Variants in LY75 observed in about 807,000 individuals in gnomAD.
The protein encoded by LY75 is C-type lectin domain family 13 member B.
A neutral mutation model predicts 231.7 loss-of-function variants in LY75; 185 were observed. The ratio of observed to expected loss-of-function variants is 0.80; its 90% confidence interval spans 0.71 to 0.90. The LOEUF (loss-of-function observed/expected upper bound fraction) is 0.90, where lower values mean the gene tolerates loss of function less well. Ranked by LOEUF, LY75 falls within the 40% of genes least tolerant of loss-of-function variation. LY75 has a pLI of 0.00. For missense variants in LY75, 1,947 were observed against 2,050.2 expected, an observed-to-expected ratio of 0.95 and a Z score of 0.97; for synonymous variants, 668 against 689.0, an observed-to-expected ratio of 0.97 and a Z score of 0.48.
intron 23 of LY75, among the ~76,000 whole-genome samples, chr2:159,847,042 C>T (rs907791459): frequency 2.0e-5 from 3 of 152,122 alleles, no homozygotes; most frequent in African/African-American, 4.8e-5. Flanking sequence ...GATGGAATCT[C>T]GCTCTGTCGC....
At chr2:159,833,208 C>A (rs775455831) in intron 27 of LY75, among the ~76,000 whole-genome samples, 27 of 150,694 alleles carry the variant, frequency 1.8e-4, no homozygotes, top group Non-Finnish European at 1.0e-4. Flanking sequence ...GCTCACTGCA[C>A]CTTCAACCTC....
In LY75 at chr2:159,879,383, C is replaced by T; in HGVS notation, c.1405-14G>A. 6.2e-7 allele frequency: 1 copy of T among 1,611,378 alleles called. No homozygotes were observed. Among genetic ancestry groups the T allele is most frequent in the Non-Finnish European group, 8.5e-7 (1 of 1,179,396 alleles). On this transcript the variant is annotated splice_polypyrimidine_tract_variant and intron_variant, in intron 8 of 34. Coordinates refer to ENST00000263636, the MANE Select transcript of LY75 (RefSeq NM_002349.4). ...CCACTGACCTAGCTTTGAAAGGAGA[C>T]AAAAACATTTGCTTGGAAAGGAAAT... is the stretch of plus-strand genomic sequence containing the variant.
chr2:159,823,561 A>G (rs184262898), intron 28 of LY75, among the ~76,000 whole-genome samples: 1 of 152,320 alleles, frequency 6.6e-6, no homozygotes, highest in East Asian at 1.9e-4. Context: ...CCAACCTAGC[A>G]AGACAGGCCA....
At chr2:159,880,937 T>A in intron 8 of LY75, 146 bp downstream of exon 8, 1 of 957,302 alleles carries the variant, frequency 1.0e-6, no homozygotes, top group Non-Finnish European at 1.5e-6. Flanking sequence ...TCTTAACAGG[T>A]AATGGTCCGT....
Position 159,829,000 on chromosome 2 carries a change from A to G in LY75, c.3958+2670T>C, listed in dbSNP as rs912113618. 5.9e-5 allele frequency among the ~76,000 whole-genome samples: 9 copies of G among 152,196 alleles called. No individual in the cohort carries two copies. The South Asian group carries it at 1.7e-3, about 28-fold the overall frequency. Reference sequence around the variant, plus strand: ...AGTAGATCAGTGGTTGCTGAGGACTAGGAGACAGGGAGGGAATACTAGTGG... The same window carrying G: ...AGTAGATCAGTGGTTGCTGAGGACTGGGAGACAGGGAGGGAATACTAGTGG... On this transcript the variant is annotated intron_variant, in intron 28 of 34. Coordinates refer to ENST00000263636, the MANE Select transcript of LY75 (RefSeq NM_002349.4).
At chr2:159,849,785 T>C (rs76557261) in intron 23 of LY75, among the ~76,000 whole-genome samples, 195 bp downstream of exon 23, 4,180 of 152,280 alleles carry the variant, frequency 0.027, 181 homozygotes, top group African/African-American at 0.095. Context: ...CCATACTCTT[T>C]AGGCACTATT....
chr2:159,807,004 A>G lies in LY75; in HGVS notation c.4959T>C (p.Gly1653=). 8 of 1,613,896 alleles carry G rather than the reference A, an allele frequency of 5.0e-6. No homozygotes were observed. Among genetic ancestry groups the G allele is most frequent in the Non-Finnish European group, 5.1e-6 (6 of 1,179,868 alleles). The change falls in exon 34 of 35, where the codon GGT becomes GGC. Residue 1653 remains glycine (G), a synonymous_variant. Transcript: ENST00000263636. ...GCACTTTGCAGACAACTCTTCCAAA[A>G]CCATGTTCACATTCAACTTTTTTCC... ...ETWKKVECEH[G]FGRVVCKVPL... is the part of the protein sequence containing the mutation.
At chr2:159,871,584 C>A (rs992297699) in intron 13 of LY75, among the ~76,000 whole-genome samples, 9 of 152,056 alleles carry the variant, frequency 5.9e-5, no homozygotes, top group Non-Finnish European at 1.3e-4. Flanking sequence ...TGGATAAGTA[C>A]TAATTGGCAA....
chr2:159,806,900 T>C, intron 34 of LY75, 73 bp downstream of exon 34: 1 of 1,498,076 alleles, frequency 6.7e-7, no homozygotes, highest in South Asian at 1.4e-5. Context: ...CAGAATTTTG[T>C]ACATAATTGG....
intron 13 of LY75, among the ~76,000 whole-genome samples, chr2:159,867,343 G>C (rs1028182081): frequency 6.6e-6 from 1 of 152,254 alleles, no homozygotes; most frequent in African/African-American, 2.4e-5. Context: ...GCCTAGTTTA[G>C]CTGTAGGCAG....
chr2:159,852,342 T>A lies in LY75; in HGVS notation c.2744-2A>T. On this transcript the variant is annotated splice_acceptor_variant, in intron 20 of 34. Transcript: ENST00000263636. LOFTEE classifies it high-confidence loss of function. ...TACAGTCTGTTGGTTTACCTAAGTC[T>A]GAGAAATGAAAAGCCAGGATTACTA... is the stretch of plus-strand genomic sequence containing the variant. 1 of 1,611,106 alleles carries A rather than the reference T, an allele frequency of 6.2e-7. No individual in the cohort carries two copies.
In LY75 at chr2:159,840,833, T is replaced by G; in HGVS notation, c.3403A>C (p.Asn1135His). 6.2e-7 allele frequency: 1 copy of G among 1,614,122 alleles called. No individual in the cohort carries two copies. The change falls in exon 25 of 35, where the codon AAC (asparagine) becomes CAC (histidine). Residue 1135 changes from asparagine to histidine, a missense_variant. Coordinates refer to ENST00000263636, the MANE Select transcript of LY75 (RefSeq NM_002349.4). ...TCCGTGATGCTCACCAGCTGCATGT[T>G]ACTTTTCAGACACTCCCTTTTAGCA... is the stretch of plus-strand genomic sequence containing the variant. ...HSAKRECLKS[N>H]MQLVSITDPY...
At chr2:159,885,067 G>A (rs950633072) in intron 6 of LY75, 86 bp downstream of exon 6, 30 of 1,531,786 alleles carry the variant, frequency 2.0e-5, no homozygotes, top group African/African-American at 1.5e-4. Context: ...AGGTGGAAAC[G>A]GATGTTGGAA....
At position 159,875,436 on chromosome 2, in the gene LY75, C is replaced by A. The variant is rs761147610; in HGVS notation, c.1974+8G>T. 9.9e-6 allele frequency: 16 copies of A among 1,611,272 alleles called. No individual in the cohort carries two copies. In the East Asian group the frequency reaches 3.6e-4, roughly 36 times the overall value. Reference sequence around the variant, plus strand: ...TCATTGAAGGATAGAATGAGAATGTCACTTTACCTTATAACAAGAAAGACT... The same window carrying A: ...TCATTGAAGGATAGAATGAGAATGTAACTTTACCTTATAACAAGAAAGACT... On this transcript the variant is annotated splice_region_variant and intron_variant, in intron 12 of 34. Transcript: ENST00000263636.
intron 2 of LY75, among the ~76,000 whole-genome samples, chr2:159,897,758 T>C (rs916562438): frequency 2.6e-5 from 4 of 152,208 alleles, no homozygotes; most frequent in Non-Finnish European, 4.4e-5. Flanking sequence ...TATCGACATT[T>C]GGTGTAATTT....
chr2:159,856,648 T>C (rs914325480), intron 16 of LY75, among the ~76,000 whole-genome samples: 2 of 152,200 alleles, frequency 1.3e-5, no homozygotes, highest in Admixed American at 6.5e-5. Flanking sequence ...CTTCAAGTGA[T>C]TGGGACAGGC....
chr2:159,904,653 G>T lies in LY75; in HGVS notation c.30C>A (p.Arg10=). MRTGWATPR[R]PAGLLMLLFW... ...AGAGCAGCATGAGGAGCCCCGCCGG[G>T]CGGCGAGGGGTCGCCCAGCCTGTCC... The change falls in exon 1 of 35, where the codon CGC becomes CGA. Residue 10 remains arginine, a synonymous_variant. Transcript: ENST00000263636. 9 of 1,491,468 alleles carry T rather than the reference G, an allele frequency of 6.0e-6. No homozygotes were observed. The highest frequency in any genetic ancestry group is 8.0e-6 in the Non-Finnish European group (9 of 1,123,482). The allele number at this position is 1,491,468 out of a possible 1,614,324, so 92.4% of individuals were successfully genotyped here. A position where few individuals can be genotyped will look rare whatever the true frequency, so the allele number is the denominator to read the frequency against.
In LY75 at chr2:159,834,368, A is replaced by G. The variant is rs532266403; in HGVS notation, c.3674-157T>C. Reference sequence around the variant, plus strand: ...GTTTATACTCAGATATAGCACACAAAAAGCCAGCTTTCTATAGGAAGGAAA... The same window carrying G: ...GTTTATACTCAGATATAGCACACAAGAAGCCAGCTTTCTATAGGAAGGAAA... On this transcript the variant is annotated intron_variant, in intron 26 of 34. Coordinates refer to ENST00000263636, the MANE Select transcript of LY75 (RefSeq NM_002349.4). The G allele has an allele frequency of 5.9e-6, 3 of 506,840 alleles. No homozygotes were observed. In the African/African-American group the frequency reaches 6.2e-5, roughly 11 times the overall value. The allele number at this position is 506,840 out of a possible 1,614,324, so 31.4% of individuals were successfully genotyped here.
chr2:159,882,471 C>A (rs1206534290), intron 6 of LY75, 156 bp from the exon 7 acceptor site: 1 of 571,030 alleles, frequency 1.8e-6, no homozygotes, highest in Non-Finnish European at 2.2e-6. Context: ...GTGCCTACCA[C>A]ATAAATGAGG....
Sources: allele counts gnomAD v4.1 joint callset (sites outside exome capture counted in the v4.1 genomes callset), GRCh38; gene constraint gnomAD v4.1.1; transcripts MANE v1.5; gene names NCBI Gene and HGNC (gene_info 2026-07-23, HGNC 2026-07-21).